GALNT10: variants seen among roughly 807,000 people sequenced by gnomAD.
GALNT10 encodes polypeptide N-acetylgalactosaminyltransferase 10, also known as GalNAc transferase 10.
GALNT10 carries 41 observed loss-of-function variants against 75.0 expected under a neutral mutation model. That is an observed-to-expected ratio of 0.55 (90% CI 0.43 to 0.71). The LOEUF (loss-of-function observed/expected upper bound fraction) is 0.71, where lower values mean the gene tolerates loss of function less well. Among genes scored for constraint, GALNT10 ranks in the 30% least tolerant of loss-of-function variants. The pLI is 0.00. For missense variants in GALNT10, 727 were observed against 818.5 expected, an observed-to-expected ratio of 0.89 and a Z score of 1.36; for synonymous variants, 302 against 313.0, an observed-to-expected ratio of 0.96 and a Z score of 0.37.
At chr5:154,345,114 T>G (rs558917722) in intron 4 of GALNT10, among the ~76,000 whole-genome samples, 1 of 152,250 alleles carries the variant, frequency 6.6e-6, no homozygotes, top group South Asian at 2.1e-4. Flanking sequence ...CTTAATATAA[T>G]GAGCCAAAGA....
At chr5:154,275,275 A>G (rs1432443052) in intron 1 of GALNT10, among the ~76,000 whole-genome samples, 4 of 152,230 alleles carry the variant, frequency 2.6e-5, no homozygotes, top group South Asian at 2.1e-4. Flanking sequence ...GCCTCTCAAA[A>G]TGTAGTCTGC....
chr5:154,278,414 C>CT (rs1753984331), intron 1 of GALNT10, among the ~76,000 whole-genome samples: 1 of 152,148 alleles, frequency 6.6e-6, no homozygotes, highest in African/African-American at 2.4e-5. Context: ...AGACAGCTTT[C>CT]TTTTCTGTGT....
chr5:154,257,263 T>C (rs904758254), intron 1 of GALNT10, among the ~76,000 whole-genome samples: 3 of 152,194 alleles, frequency 2.0e-5, no homozygotes, highest in East Asian at 1.9e-4. Context: ...CATTTTGAAA[T>C]TGGCTTGCTG....
chr5:154,228,655 T>G (rs1477413954), intron 1 of GALNT10, among the ~76,000 whole-genome samples: 1 of 152,062 alleles, frequency 6.6e-6, no homozygotes, highest in Non-Finnish European at 1.5e-5. Flanking sequence ...AATTGGGGGG[T>G]TTATTTCTCA....
At chr5:154,246,610 T>C (rs184909700) in intron 1 of GALNT10, among the ~76,000 whole-genome samples, 2 of 152,388 alleles carry the variant, frequency 1.3e-5, no homozygotes, top group East Asian at 3.9e-4. Context: ...ATGTCTTCTT[T>C]TGAGAAGTGT....
chr5:154,216,483 T>G (rs2113651643), intron 1 of GALNT10, among the ~76,000 whole-genome samples: 1 of 152,346 alleles, frequency 6.6e-6, no homozygotes, highest in Non-Finnish European at 1.5e-5. Context: ...AACTATACTT[T>G]GAGGCAGATG....
chr5:154,225,480 T>C (rs1476785440), intron 1 of GALNT10, among the ~76,000 whole-genome samples: 1 of 151,430 alleles, frequency 6.6e-6, no homozygotes, highest in African/African-American at 2.4e-5. Context: ...AGCCTTGACC[T>C]CCTGGGCTCA....
intron 1 of GALNT10, among the ~76,000 whole-genome samples, chr5:154,266,492 G>T (rs1011418113): frequency 1.5e-4 from 22 of 151,320 alleles, no homozygotes; most frequent in African/African-American, 5.1e-4. Flanking sequence ...GTTTCCTATA[G>T]AGGATTTAAA....
chr5:154,391,828 G>T (rs1311449396), intron 7 of GALNT10, among the ~76,000 whole-genome samples: 2 of 151,878 alleles, frequency 1.3e-5, no homozygotes, highest in African/African-American at 4.8e-5. Context: ...TCCCTCTCAG[G>T]TGGGCTTTTT....
At chr5:154,380,912 T>C (rs1755723659) in intron 6 of GALNT10, among the ~76,000 whole-genome samples, 1 of 152,190 alleles carries the variant, frequency 6.6e-6, no homozygotes, top group Non-Finnish European at 1.5e-5. Context: ...TCATGCTCTC[T>C]TCCTCAAGCC....
intron 1 of GALNT10, 107 bp downstream of exon 1, chr5:154,191,132 C>A: frequency 1.4e-6 from 1 of 738,400 alleles, no homozygotes; most frequent in South Asian, 3.4e-5. Flanking sequence ...AGAGTCAGCT[C>A]CGAGACTCTT....
chr5:154,329,511 A>G (rs1754809492), intron 3 of GALNT10, 61 bp from the exon 4 acceptor site: 2 of 1,373,508 alleles, frequency 1.5e-6, no homozygotes, highest in Admixed American at 1.7e-5. Flanking sequence ...CCTGTGCCTG[A>G]GTTCTCTTGG....
chr5:154,390,515 T>G (rs1755878171), intron 7 of GALNT10, among the ~76,000 whole-genome samples: 1 of 152,246 alleles, frequency 6.6e-6, no homozygotes. Flanking sequence ...CCTCCCAGGC[T>G]ACAGGCCTTG....
chr5:154,309,107 G>A (rs1754474699), intron 3 of GALNT10, among the ~76,000 whole-genome samples: 1 of 152,170 alleles, frequency 6.6e-6, no homozygotes, highest in Non-Finnish European at 1.5e-5. Flanking sequence ...TTATTTCAGG[G>A]GTCAGGGAAG....
intron 10 of GALNT10, among the ~76,000 whole-genome samples, chr5:154,414,523 A>C (rs1265138156): frequency 2.0e-5 from 3 of 152,198 alleles, no homozygotes; most frequent in African/African-American, 7.2e-5. Context: ...AAATTCTAGA[A>C]ATTGCAAACT....
chr5:154,253,706 C>CTT (rs33933907), intron 1 of GALNT10, among the ~76,000 whole-genome samples: 147 of 72,556 alleles, frequency 2.0e-3, no homozygotes, highest in Non-Finnish European at 2.3e-3. Flanking sequence ...AAAGCCTCCT[C>CTT]TTTTTTTTTT....
At chr5:154,191,377 G>C (rs2113635741) in intron 1 of GALNT10, among the ~76,000 whole-genome samples, 2 of 151,842 alleles carry the variant, frequency 1.3e-5, no homozygotes, top group Middle Eastern at 6.8e-3. Flanking sequence ...GTGCCAATAG[G>C]AATGAAGATT....
At chr5:154,393,364 G>A (rs536167472) in intron 7 of GALNT10, among the ~76,000 whole-genome samples, 48 of 152,210 alleles carry the variant, frequency 3.2e-4, no homozygotes, top group Admixed American at 8.5e-4. Context: ...ATGAGCCACC[G>A]CGCCCAGCCC....
At chr5:154,267,925 A>T (rs1174926257) in intron 1 of GALNT10, among the ~76,000 whole-genome samples, 1 of 152,236 alleles carries the variant, frequency 6.6e-6, no homozygotes, top group Admixed American at 6.5e-5. Context: ...AGAAGGTTGT[A>T]GAAACTGATT....
Sources: gnomAD v4.1 joint callset for allele counts (sites outside exome capture counted in the v4.1 genomes callset) on GRCh38, gnomAD v4.1.1 for gene constraint, MANE v1.5 for transcripts, NCBI Gene and HGNC (gene_info 2026-07-23, HGNC 2026-07-21) for gene names.